MARCHF1: variants seen among roughly 807,000 people sequenced by gnomAD.
The protein encoded by MARCHF1 is E3 ubiquitin-protein ligase MARCHF1.
MARCHF1 carries 40 observed loss-of-function variants against 54.2 expected under a neutral mutation model. The observed-to-expected ratio is 0.74, with a 90% CI of 0.57 to 0.96. The LOEUF is 0.96. Ranked by LOEUF, MARCHF1 falls within the 40% of genes least tolerant of loss-of-function variation. The pLI is 0.00. For missense variants in MARCHF1, 586 were observed against 656.5 expected (o/e 0.89, Z 1.17); for synonymous variants, 236 against 236.3 (o/e 1.00, Z 0.01).
intron 1 of MARCHF1, among the ~76,000 whole-genome samples, chr4:164,184,593 C>A (rs1488137547): frequency 6.6e-6 from 1 of 152,116 alleles, no homozygotes; most frequent in African/African-American, 2.4e-5. Flanking sequence ...AGAAAACAAA[C>A]CTCCATAGAA....
chr4:163,923,995 T>A (rs1751487006), intron 3 of MARCHF1, among the ~76,000 whole-genome samples: 1 of 152,068 alleles, frequency 6.6e-6, no homozygotes, highest in African/African-American at 2.4e-5. Flanking sequence ...GGCCTGCCAA[T>A]AAACATTTTT....
rs140399380 is a variant in MARCHF1, at chr4:163,896,087, T to C, written c.-38-41918A>G. ...CCATGCGTAACCATTTCCCTCTGATTACACTTTCATTTTTTTCACTGTGTT... is the reference window on the plus strand; with the variant it reads ...CCATGCGTAACCATTTCCCTCTGATCACACTTTCATTTTTTTCACTGTGTT... On this transcript the variant is annotated intron_variant, in intron 3 of 9. Transcript: ENST00000514618. Among the ~76,000 whole-genome samples, 146 of 152,348 alleles carry C rather than the reference T, an allele frequency of 9.6e-4. 2 individuals carry two copies. Among genetic ancestry groups the C allele is most frequent in the African/African-American group, 3.3e-3 (139 of 41,570 alleles).
At chr4:164,044,314 C>T (rs1018430622) in intron 2 of MARCHF1, among the ~76,000 whole-genome samples, 28 of 152,066 alleles carry the variant, frequency 1.8e-4, no homozygotes, top group African/African-American at 6.8e-4. Flanking sequence ...TAACAGGAAG[C>T]ATAATTAGGA....
At chr4:164,375,673 GCA>G (rs1731169787) in intron 1 of MARCHF1, among the ~76,000 whole-genome samples, 1 of 152,040 alleles carries the variant, frequency 6.6e-6, no homozygotes, top group Non-Finnish European at 1.5e-5. Context: ...CCTACTACAT[GCA>G]CATACACATG....
rs1254263808 is a variant in MARCHF1 at position 164,102,551 on chromosome 4, G to GA, written c.-248+9036dup. ...TGAAGGAGAAATAAAATCCTTTACA[G>GA]ACAAGCAAATGCTGAGAGATTTTGT... On this transcript the variant is annotated intron_variant, in intron 2 of 9. Coordinates refer to ENST00000514618, the MANE Select transcript of MARCHF1 (RefSeq NM_001394959.1). 7.3e-5 allele frequency among the ~76,000 whole-genome samples: 11 copies of GA among 150,642 alleles called. No individual in the cohort carries two copies. The South Asian group carries it at 1.9e-3, about 26-fold the overall frequency.
chr4:164,301,923 G>T (rs1734570973), intron 1 of MARCHF1, among the ~76,000 whole-genome samples: 1 of 152,172 alleles, frequency 6.6e-6, no homozygotes, highest in South Asian at 2.1e-4. Flanking sequence ...GACATAGGGT[G>T]CCCTAAGAGA....
At chr4:164,280,491 A>G (rs1333025585) in intron 1 of MARCHF1, among the ~76,000 whole-genome samples, 3 of 152,086 alleles carry the variant, frequency 2.0e-5, no homozygotes, top group African/African-American at 7.2e-5. Context: ...AAGGTGTTGA[A>G]ACAACTGGCT....
At chr4:164,259,115 C>G (rs1733376314) in intron 1 of MARCHF1, among the ~76,000 whole-genome samples, 1 of 152,034 alleles carries the variant, frequency 6.6e-6, no homozygotes, top group Non-Finnish European at 1.5e-5. Flanking sequence ...AACAATAAAT[C>G]CATATTACAC....
intron 1 of MARCHF1, among the ~76,000 whole-genome samples, chr4:164,345,713 A>G (rs1730074068): frequency 6.6e-6 from 1 of 151,908 alleles, no homozygotes; most frequent in African/African-American, 2.4e-5. Flanking sequence ...AACTCTTGTC[A>G]ATGTTAAATA....
At chr4:164,027,995 G>A (rs1325713124) in intron 2 of MARCHF1, among the ~76,000 whole-genome samples, 1 of 152,064 alleles carries the variant, frequency 6.6e-6, no homozygotes, top group East Asian at 1.9e-4. Context: ...CTCATTATTA[G>A]TCATCAGAGA....
At chr4:163,849,134 T>C (rs1749573096) in intron 4 of MARCHF1, among the ~76,000 whole-genome samples, 1 of 152,200 alleles carries the variant, frequency 6.6e-6, no homozygotes, top group Admixed American at 6.5e-5. Context: ...AAAGACGTGA[T>C]AGAGTGGCCC....
chr4:164,106,590 G>A (rs1256845468), intron 2 of MARCHF1, among the ~76,000 whole-genome samples: 1 of 145,938 alleles, frequency 6.9e-6, no homozygotes, highest in Non-Finnish European at 1.5e-5. Flanking sequence ...CACAGGAAGG[G>A]GAATATCACA....
chr4:163,951,379 G>C (rs1248171662), intron 3 of MARCHF1, among the ~76,000 whole-genome samples: 2 of 152,168 alleles, frequency 1.3e-5, no homozygotes. Flanking sequence ...GTTAGGGATA[G>C]TAGAGTTTGA....
At chr4:163,715,315 G>T (rs918676965) in intron 4 of MARCHF1, among the ~76,000 whole-genome samples, 1 of 151,978 alleles carries the variant, frequency 6.6e-6, no homozygotes, top group African/African-American at 2.4e-5. Context: ...GCGCGATCTC[G>T]GCTCACTGCA....
chr4:163,712,197 A>T (rs1195200773), intron 4 of MARCHF1, among the ~76,000 whole-genome samples: 1 of 152,196 alleles, frequency 6.6e-6, no homozygotes, highest in African/African-American at 2.4e-5. Context: ...TATTAAAAGC[A>T]CTTTAATGGC....
At chr4:164,278,594 G>A (rs2111331085) in intron 1 of MARCHF1, among the ~76,000 whole-genome samples, 1 of 152,268 alleles carries the variant, frequency 6.6e-6, no homozygotes, top group South Asian at 2.1e-4. Context: ...TGAAAGTTCT[G>A]TGTGAATATG....
intron 3 of MARCHF1, among the ~76,000 whole-genome samples, chr4:163,984,513 T>C (rs1752823841): frequency 6.6e-6 from 1 of 152,148 alleles, no homozygotes; most frequent in African/African-American, 2.4e-5. Flanking sequence ...AGAAACAGCC[T>C]TGGCCCCATC....
At chr4:163,657,345 C>G (rs1284578634) in intron 5 of MARCHF1, among the ~76,000 whole-genome samples, 2 of 151,958 alleles carry the variant, frequency 1.3e-5, no homozygotes, top group Non-Finnish European at 2.9e-5. Context: ...AGGAATACAG[C>G]TAAGAAGGGA....
chr4:163,643,522 A>G (rs1742640337), intron 5 of MARCHF1, among the ~76,000 whole-genome samples: 3 of 151,988 alleles, frequency 2.0e-5, no homozygotes, highest in Admixed American at 2.0e-4. Context: ...AGCTCCCTAC[A>G]TTTTAATATT....
Sources: gnomAD v4.1 joint callset for allele counts (sites outside exome capture counted in the v4.1 genomes callset) on GRCh38, gnomAD v4.1.1 for gene constraint, MANE v1.5 for transcripts, NCBI Gene and HGNC (gene_info 2026-07-23, HGNC 2026-07-21) for gene names.